Variants in PPFIBP2 observed in about 807,000 individuals in gnomAD.
PPFIBP2 encodes the protein liprin-beta-2.
In PPFIBP2, 118 loss-of-function variants were observed where a neutral mutation model predicts 118.3. The observed-to-expected ratio is 1.00, with a 90% CI of 0.86 to 1.16. The LOEUF is 1.16. Ranked by LOEUF, PPFIBP2 falls within the 50% of genes most tolerant of loss-of-function variation. The pLI, the probability that PPFIBP2 is intolerant of heterozygous loss-of-function variation, is 0.00. For synonymous variants in PPFIBP2, 414 were observed against 397.4 expected (o/e 1.04, Z -0.50); for missense variants, 1,195 against 1,073.1 (o/e 1.11, Z -1.59).
intron 5 of PPFIBP2, among the ~76,000 whole-genome samples, chr11:7,605,104 G>A (rs973999093): frequency 4.6e-5 from 7 of 152,210 alleles, no homozygotes; most frequent in Middle Eastern, 3.2e-3. Flanking sequence ...GCACCTGGAA[G>A]TATTCTGAAC....
chr11:7,628,409 C>G (rs6578886), intron 9 of PPFIBP2, 63 bp downstream of exon 9: 674,778 of 1,457,538 alleles, frequency 0.46, 158,911 homozygotes, highest in African/African-American at 0.68. Flanking sequence ...TGTTTGGTCC[C>G]TGCTGGTCTC....
At chr11:7,587,466 A>G (rs764204857) in intron 3 of PPFIBP2, among the ~76,000 whole-genome samples, 3 of 152,260 alleles carry the variant, frequency 2.0e-5, no homozygotes, top group Non-Finnish European at 4.4e-5. Flanking sequence ...ACCTTTTGAG[A>G]CAAATGTATT....
At chr11:7,630,026 A>C (rs1423851432) in intron 10 of PPFIBP2, among the ~76,000 whole-genome samples, 1 of 152,200 alleles carries the variant, frequency 6.6e-6, no homozygotes, top group African/African-American at 2.4e-5. Context: ...GCTGTGTTTT[A>C]TATTTGCTGC....
chr11:7,655,243 C>T (rs1854572066), downstream of PPFIBP2, among the ~76,000 whole-genome samples: 1 of 152,158 alleles, frequency 6.6e-6, no homozygotes, highest in Non-Finnish European at 1.5e-5. Context: ...GATGCCTTTC[C>T]CCAGGAAACA....
rs373340351 is a variant in PPFIBP2 at position 7,606,438 on chromosome 11, T to A, written c.487-3853T>A. On this transcript the variant is annotated intron_variant, in intron 5 of 23. Transcript: ENST00000299492. ...GGACTGGGATAAGTTTGTTGAAGGC[T>A]GATTTTGAGTTTAGGGACCAAAACA... Among the ~76,000 whole-genome samples, 14 of 152,320 alleles carry A rather than the reference T, an allele frequency of 9.2e-5. 1 individual carries two copies. In the East Asian group the frequency reaches 2.1e-3, roughly 23 times the overall value.
chr11:7,640,366 G>T (rs1439333738), intron 15 of PPFIBP2, among the ~76,000 whole-genome samples: 1 of 152,214 alleles, frequency 6.6e-6, no homozygotes, highest in Non-Finnish European at 1.5e-5. Flanking sequence ...AATGAAGTCA[G>T]TGGCCAATGG....
chr11:7,552,817 G>A (rs1179456703), intron 2 of PPFIBP2, among the ~76,000 whole-genome samples: 1 of 151,910 alleles, frequency 6.6e-6, no homozygotes. Flanking sequence ...TTACCGTACC[G>A]GAAGGCCTTC....
intron 1 of PPFIBP2, 122 bp from the exon 2 acceptor site, chr11:7,549,318 C>T (rs1293449180): frequency 2.0e-5 from 17 of 855,898 alleles, no homozygotes; most frequent in African/African-American, 6.9e-5. Flanking sequence ...AACTACATGT[C>T]GGCTACTATG....
At chr11:7,587,220 G>A (rs1327599960) in intron 3 of PPFIBP2, among the ~76,000 whole-genome samples, 1 of 152,074 alleles carries the variant, frequency 6.6e-6, no homozygotes, top group Non-Finnish European at 1.5e-5. Context: ...TTTTATCCTA[G>A]TACATCCCAC....
chr11:7,639,582 G>A (rs1373332906), intron 14 of PPFIBP2, 150 bp from the exon 15 acceptor site: 25 of 985,958 alleles, frequency 2.5e-5, no homozygotes, highest in East Asian at 1.8e-4. Context: ...CCCCTTTCTC[G>A]GACTAGCTAA....
chr11:7,540,933 T>C (rs1851711036), intron 1 of PPFIBP2, among the ~76,000 whole-genome samples: 3 of 152,260 alleles, frequency 2.0e-5, no homozygotes, highest in African/African-American at 7.2e-5. Flanking sequence ...TCAGATGCCT[T>C]AGTGATAAGG....
chr11:7,597,308 T>G (rs1462010349), intron 4 of PPFIBP2: 1 of 1,535,496 alleles, frequency 6.5e-7, no homozygotes, highest in Non-Finnish European at 8.7e-7. Flanking sequence ...GTTTTACTCT[T>G]GAGTCTATCA....
chr11:7,614,223 A>G (rs1274261739), intron 6 of PPFIBP2, among the ~76,000 whole-genome samples: 1 of 152,232 alleles, frequency 6.6e-6, no homozygotes. Flanking sequence ...GTATATAGCA[A>G]AAGGTCTCTT....
At chr11:7,642,448 T>A (rs528224690) in intron 17 of PPFIBP2, 22 bp downstream of exon 17, 1 of 1,601,830 alleles carries the variant, frequency 6.2e-7, no homozygotes, top group South Asian at 1.1e-5. Context: ...CCCACTTTCC[T>A]TTGATCTCCC....
intron 1 of PPFIBP2, among the ~76,000 whole-genome samples, chr11:7,545,932 A>G (rs778791688): frequency 2.8e-4 from 42 of 152,304 alleles, no homozygotes; most frequent in Middle Eastern, 3.4e-3. Context: ...CTTGAGTTCA[A>G]TCACCAAGGA....
chr11:7,664,137 G>A, the PPFIBP2 span, among the ~76,000 whole-genome samples: 48 of 152,318 alleles, frequency 3.2e-4, no homozygotes, highest in African/African-American at 8.7e-4. Flanking sequence ...GCTGTAGACC[G>A]GAGCTGTTCC....
In PPFIBP2 at chr11:7,648,406, G is replaced by A. The variant is rs190069693; in HGVS notation, c.1666G>A (p.Ala556Thr). 1.9e-6 allele frequency: 3 copies of A among 1,613,824 alleles called. No homozygotes were observed. In the Admixed American group the frequency reaches 5.0e-5, roughly 27 times the overall value. ...GQKSDANAPF[A>T]QWSTERVCAW... ...TCCCAGTGACGCCAATGCCCCCTTT[G>A]CCCAGTGGAGCACAGAGCGTGTGTG... Residue 556 changes from alanine to threonine, a missense_variant, in exon 18 of 24, where the codon GCC (alanine) becomes ACC (threonine). By Grantham distance (58) the Ala-to-Thr change is moderately conservative. Coordinates refer to ENST00000299492, the MANE Select transcript of PPFIBP2 (RefSeq NM_003621.5).
At chr11:7,630,569 C>T (rs1850620916) in intron 10 of PPFIBP2, among the ~76,000 whole-genome samples, 1 of 152,224 alleles carries the variant, frequency 6.6e-6, no homozygotes, top group Non-Finnish European at 1.5e-5. Flanking sequence ...GCCTCAGCCT[C>T]CCAAAGTGCT....
intron 9 of PPFIBP2, 135 bp from the exon 10 acceptor site, chr11:7,629,324 G>A (rs1590693631): frequency 1.2e-6 from 1 of 812,352 alleles, no homozygotes; most frequent in Non-Finnish European, 2.1e-6. Flanking sequence ...GTGGAATGGG[G>A]CCTGGACACT....
Sources: allele counts gnomAD v4.1 joint callset (sites outside exome capture counted in the v4.1 genomes callset), GRCh38; gene constraint gnomAD v4.1.1; transcripts MANE v1.5; gene names NCBI Gene and HGNC (gene_info 2026-07-23, HGNC 2026-07-21).